Variants in MARCHF1 observed in about 807,000 individuals in gnomAD.
MARCHF1 encodes the protein membrane associated ring-CH-type finger 1, also known as E3 ubiquitin-protein ligase MARCHF1.
In MARCHF1, 40 loss-of-function variants were observed where a neutral mutation model predicts 54.2. The ratio of observed to expected loss-of-function variants is 0.74; its 90% CI spans 0.57 to 0.96. The LOEUF (loss-of-function observed/expected upper bound fraction) is 0.96. MARCHF1 is among the 40% of genes least tolerant of loss of function. MARCHF1 has a pLI of 0.00. For synonymous variants in MARCHF1, 236 were observed against 236.3 expected (o/e 1.00, Z 0.01); for missense variants, 586 against 656.5 (o/e 0.89, Z 1.17).
In MARCHF1 at chr4:163,613,441, T is replaced by A; in HGVS notation, c.163-48A>T. The A allele has an allele frequency of 1.9e-6, 3 of 1,613,064 alleles. No homozygotes were observed. The South Asian group carries it at 3.3e-5, about 18-fold the overall frequency. On this transcript the variant is annotated intron_variant, in intron 5 of 9. Coordinates refer to ENST00000514618, the MANE Select transcript of MARCHF1 (RefSeq NM_001394959.1). ...TTGGCATCTTGGTTAAGGTAATACA[T>A]GGTTGATATCTTGCTTTTTTTCCAC...
intron 1 of MARCHF1, among the ~76,000 whole-genome samples, chr4:164,329,658 CTCA>C: frequency 6.6e-6 from 1 of 152,296 alleles, no homozygotes; most frequent in Middle Eastern, 3.4e-3. Flanking sequence ...ATGGGGAGGT[CTCA>C]GGAAGCTTCC....
At chr4:164,064,799 C>A (rs1403472696) in intron 2 of MARCHF1, among the ~76,000 whole-genome samples, 1 of 151,986 alleles carries the variant, frequency 6.6e-6, no homozygotes, top group Non-Finnish European at 1.5e-5. Context: ...ATATATGGCT[C>A]TTATTATTTT....
chr4:163,665,081 C>A (rs1036288755), intron 5 of MARCHF1, among the ~76,000 whole-genome samples: 3 of 151,988 alleles, frequency 2.0e-5, no homozygotes, highest in African/African-American at 7.2e-5. Context: ...TCCGCTGGGT[C>A]TATCTTAATG....
At chr4:164,242,172 G>A (rs1295286957) in intron 1 of MARCHF1, among the ~76,000 whole-genome samples, 3 of 150,712 alleles carry the variant, frequency 2.0e-5, no homozygotes, top group African/African-American at 4.9e-5. Context: ...ACCTCTGGGG[G>A]CAGGGCACAG....
chr4:164,221,874 T>A (rs143347907), intron 1 of MARCHF1, among the ~76,000 whole-genome samples: 52 of 152,098 alleles, frequency 3.4e-4, no homozygotes, highest in African/African-American at 1.2e-3. Flanking sequence ...ACTCGCCCAG[T>A]AGAGTGAGCT....
At chr4:164,073,182 T>G (rs915839245) in intron 2 of MARCHF1, among the ~76,000 whole-genome samples, 1 of 152,188 alleles carries the variant, frequency 6.6e-6, no homozygotes, top group Non-Finnish European at 1.5e-5. Context: ...AACAGGCAGA[T>G]GAGTATTGGA....
chr4:163,619,730 G>C (rs1434271466), intron 5 of MARCHF1, among the ~76,000 whole-genome samples: 1 of 151,432 alleles, frequency 6.6e-6, no homozygotes, highest in Non-Finnish European at 1.5e-5. Flanking sequence ...GAGTCTACTG[G>C]TTACAGTAAA....
chr4:164,062,059 T>C (rs757736129), intron 2 of MARCHF1, among the ~76,000 whole-genome samples: 1 of 152,242 alleles, frequency 6.6e-6, no homozygotes, highest in Non-Finnish European at 1.5e-5. Flanking sequence ...CCTGCTGCTT[T>C]ATCAACTAAG....
chr4:163,579,565 GT>G (rs1740149933), intron 8 of MARCHF1, among the ~76,000 whole-genome samples: 1 of 152,190 alleles, frequency 6.6e-6, no homozygotes, highest in Admixed American at 6.5e-5. Flanking sequence ...GAAATTTGTT[GT>G]GAAAAACTTA....
intron 7 of MARCHF1, among the ~76,000 whole-genome samples, chr4:163,586,199 G>T (rs1467658601): frequency 6.6e-6 from 1 of 152,122 alleles, no homozygotes; most frequent in Non-Finnish European, 1.5e-5. Flanking sequence ...ATTCCATTTA[G>T]TCAAAACATA....
At chr4:164,232,854 G>A (rs1467245183) in intron 1 of MARCHF1, among the ~76,000 whole-genome samples, 2 of 152,096 alleles carry the variant, frequency 1.3e-5, no homozygotes, top group Non-Finnish European at 2.9e-5. Context: ...AACTACAAAT[G>A]CCACACACAG....
chr4:164,169,669 T>C (rs539442373), intron 1 of MARCHF1, among the ~76,000 whole-genome samples: 56 of 152,210 alleles, frequency 3.7e-4, no homozygotes, highest in Non-Finnish European at 5.0e-4. Flanking sequence ...GCAGAGAGCT[T>C]TCAACATATT....
intron 9 of MARCHF1, among the ~76,000 whole-genome samples, chr4:163,539,102 C>A (rs1242635115): frequency 6.6e-6 from 1 of 152,062 alleles, no homozygotes; most frequent in Admixed American, 6.6e-5. Context: ...CTCACTGCAA[C>A]CTTTGACTCC....
chr4:163,676,185 C>CAAAAAAA (rs869219643), intron 5 of MARCHF1, among the ~76,000 whole-genome samples: 8 of 89,258 alleles, frequency 9.0e-5, no homozygotes, highest in African/African-American at 2.7e-4. Context: ...ACTAAAAATA[C>CAAAAAAA]AAAAAAAAAA....
rs188680030 is a variant in MARCHF1, at chr4:163,724,786, C to T, written c.112-23923G>A. The stretch of plus-strand genomic sequence containing the variant: ...TGTGCTAGCAATGAATGAGAATCCG[C>T]GGGCGTGGGACCCTCCAAGCCATGC... On this transcript the variant is annotated intron_variant, in intron 4 of 9. Transcript: ENST00000514618. 4.2e-4 allele frequency among the ~76,000 whole-genome samples: 64 copies of T among 152,226 alleles called. 1 individual carries two copies. The highest frequency in any genetic ancestry group is 1.0e-3 in the South Asian group (5 of 4,820).
At chr4:163,548,002 A>G (rs1173814757) in intron 8 of MARCHF1, among the ~76,000 whole-genome samples, 9 of 152,098 alleles carry the variant, frequency 5.9e-5, no homozygotes, top group Non-Finnish European at 1.0e-4. Flanking sequence ...AGATGTTTCA[A>G]TTTAGACTCT....
In MARCHF1 at chr4:164,315,375, G is replaced by A. The variant is rs78865080; in HGVS notation, c.-323+68495C>T. 1.6e-4 allele frequency among the ~76,000 whole-genome samples: 24 copies of A among 152,148 alleles called. No individual in the cohort carries two copies. In the East Asian group the frequency reaches 3.5e-3, roughly 22 times the overall value. On this transcript the variant is annotated intron_variant, in intron 1 of 9. Transcript: ENST00000514618. ...AACCACTATGGAAACACGGCAGATC[G>A]ATGAGAACTTAATACACCAATGGGC...
At chr4:164,104,041 T>C (rs950819116) in intron 2 of MARCHF1, among the ~76,000 whole-genome samples, 213 of 151,588 alleles carry the variant, frequency 1.4e-3, no homozygotes, top group Non-Finnish European at 1.3e-3. Context: ...CCTGGACACA[T>C]GCACTCTCCC....
Position 163,660,058 on chromosome 4 carries a change from T to C in MARCHF1, c.162+40755A>G, listed in dbSNP as rs533115774. Among the ~76,000 whole-genome samples the C allele has an allele frequency of 1.3e-4, 20 of 152,176 alleles. 1 individual carries two copies. In the South Asian group the frequency reaches 3.9e-3, roughly 30 times the overall value. On this transcript the variant is annotated intron_variant, in intron 5 of 9. Coordinates refer to ENST00000514618, the MANE Select transcript of MARCHF1 (RefSeq NM_001394959.1). ...CACAGCAATCTCATTACTGGGTATA[T>C]ACCCAAAGAATTATAAATCATTCTA...
Sources: allele counts gnomAD v4.1 joint callset (sites outside exome capture counted in the v4.1 genomes callset), GRCh38; gene constraint gnomAD v4.1.1; transcripts MANE v1.5; gene names NCBI Gene and HGNC (gene_info 2026-07-23, HGNC 2026-07-21).